NDE1: variants seen among roughly 807,000 people sequenced by gnomAD.
NDE1 encodes nudE neurodevelopment protein 1, also known as nuclear distribution protein nudE homolog 1.
A neutral mutation model predicts 43.4 loss-of-function variants in NDE1; 28 were observed. That is an observed-to-expected ratio of 0.65 (90% CI 0.48 to 0.89). The LOEUF (loss-of-function observed/expected upper bound fraction) is 0.89. Ranked by LOEUF, NDE1 falls within the 40% of genes least tolerant of loss-of-function variation. NDE1 has a pLI of 0.00. For missense variants in NDE1, 441 were observed against 434.1 expected (o/e 1.02, Z -0.14); for synonymous variants, 184 against 172.0 (o/e 1.07, Z -0.55).
At chr16:15,717,568 GT>G (rs2040228996) in intron 8 of NDE1, 2 of 599,972 alleles carry the variant, frequency 3.3e-6, no homozygotes, top group Non-Finnish European at 5.9e-6. Flanking sequence ...GCAGAGGCAG[GT>G]AAATCACTTG....
chr16:15,716,847 C>T (rs2040177043), intron 8 of NDE1, among the ~76,000 whole-genome samples: 1 of 152,156 alleles, frequency 6.6e-6, no homozygotes, highest in Non-Finnish European at 1.5e-5. Context: ...CATGCTATCC[C>T]TGCAGAGGCT....
At chr16:15,654,020 C>T (rs1244524375) in intron 1 of NDE1, among the ~76,000 whole-genome samples, 1 of 152,062 alleles carries the variant, frequency 6.6e-6, no homozygotes, top group Non-Finnish European at 1.5e-5. Flanking sequence ...CATGAGCCAC[C>T]ACACCCGGCC....
chr16:15,660,627 C>G (rs1367552934), intron 1 of NDE1, among the ~76,000 whole-genome samples: 1 of 152,112 alleles, frequency 6.6e-6, no homozygotes, highest in African/African-American at 2.4e-5. Context: ...CTCTTTTTCA[C>G]CTCCCAGTTA....
chr16:15,656,038 G>C (rs2036749692), intron 1 of NDE1, among the ~76,000 whole-genome samples: 1 of 150,444 alleles, frequency 6.6e-6, no homozygotes, highest in Non-Finnish European at 1.5e-5. Context: ...TAGATGACGA[G>C]TTAGTGGGTG....
chr16:15,689,807 G>A lies in NDE1; in HGVS notation c.524-1337G>A, dbSNP rs144868123. On this transcript the variant is annotated intron_variant, in intron 5 of 8. Transcript: ENST00000396354. ...ATACAAAAATTAGCCAGGTGTGGTGGTGCGTGCCTGTAATCCCAGCTACTT... is the reference window on the plus strand; with the variant it reads ...ATACAAAAATTAGCCAGGTGTGGTGATGCGTGCCTGTAATCCCAGCTACTT... Among the ~76,000 whole-genome samples the A allele has an allele frequency of 7.9e-3, 1,208 of 152,020 alleles. 19 individuals are homozygous for A. Among genetic ancestry groups the A allele is most frequent in the African/African-American group, 0.028 (1,172 of 41,500 alleles).
At position 15,643,489 on chromosome 16, in the gene NDE1, A is replaced by G. The variant is rs957216532; in HGVS notation, c.-604A>G. 4.7e-5 allele frequency: 19 copies of G among 403,166 alleles called. No homozygotes were observed. The Admixed American group carries it at 6.2e-4, about 13-fold the overall frequency. The allele number at this position is 403,166 out of a possible 1,614,324, so 25.0% of individuals were successfully genotyped here. A position where few individuals can be genotyped will look rare whatever the true frequency, so the allele number is the denominator to read the frequency against. Reference sequence around the variant, plus strand: ...CCGAGGAAAAAACCTGCCAACCAGGATTTAATAGAATTCAGCTCTTTCAGG... The same window carrying G: ...CCGAGGAAAAAACCTGCCAACCAGGGTTTAATAGAATTCAGCTCTTTCAGG... On this transcript the variant is annotated 5_prime_UTR_variant, in exon 1 of 10. Coordinates refer to the NDE1 transcript ENST00000396355.
intron 4 of NDE1, among the ~76,000 whole-genome samples, chr16:15,680,545 A>T (rs536818975): frequency 6.6e-6 from 1 of 151,862 alleles, no homozygotes; most frequent in African/African-American, 2.4e-5. Flanking sequence ...GCATATATAT[A>T]TTTTTTGAGA....
chr16:15,724,891 G>C lies in NDE1; in HGVS notation c.*640G>C. On this transcript the variant is annotated 3_prime_UTR_variant, in exon 9 of 9. Transcript: ENST00000396354. ...GATGATGTGGCAGGACACTCACCTG[G>C]GTGTCCTGGAGCTGGGAACTGAGGG... 1.2e-6 allele frequency: 2 copies of C among 1,614,000 alleles called. No individual in the cohort carries two copies. The highest frequency in any genetic ancestry group is 1.7e-6 in the Non-Finnish European group (2 of 1,179,956).
At chr16:15,685,440 AG>A (rs2038389959) in intron 4 of NDE1, among the ~76,000 whole-genome samples, 1 of 152,010 alleles carries the variant, frequency 6.6e-6, no homozygotes, top group Admixed American at 6.6e-5. Flanking sequence ...TTGTAGAGAC[AG>A]GGTCTCTCTA....
chr16:15,672,031 G>T (rs1351146202), intron 3 of NDE1, among the ~76,000 whole-genome samples: 2 of 151,996 alleles, frequency 1.3e-5, no homozygotes, highest in African/African-American at 4.8e-5. Context: ...TTGAAAAGCT[G>T]GGTAGGAGGA....
At chr16:15,706,008 A>T (rs1420192690) in intron 8 of NDE1, among the ~76,000 whole-genome samples, 4 of 150,900 alleles carry the variant, frequency 2.7e-5, no homozygotes, top group Non-Finnish European at 1.5e-5. Flanking sequence ...AAAAAAAATC[A>T]AGGCCCAGAG....
intron 4 of NDE1, among the ~76,000 whole-genome samples, chr16:15,685,006 T>TC (rs1187819473): frequency 2.6e-5 from 4 of 152,172 alleles, no homozygotes; most frequent in Admixed American, 2.0e-4. Flanking sequence ...TCCAGTTTAT[T>TC]CCCCCAGTAG....
intron 4 of NDE1, among the ~76,000 whole-genome samples, chr16:15,679,737 G>C: frequency 6.6e-6 from 1 of 152,004 alleles, no homozygotes; most frequent in East Asian, 1.9e-4. Flanking sequence ...CAGTGTGAGT[G>C]GTGTTTCCCA....
At chr16:15,713,606 C>G (rs570418024) in intron 8 of NDE1, 116 of 152,070 alleles carry the variant, frequency 7.6e-4, no homozygotes, top group Non-Finnish European at 1.2e-3. Flanking sequence ...ACTGATCGTC[C>G]CACCTCAGCC....
At chr16:15,660,775 G>C (rs1418450510) in intron 1 of NDE1, among the ~76,000 whole-genome samples, 6 of 152,022 alleles carry the variant, frequency 3.9e-5, no homozygotes, top group African/African-American at 9.7e-5. Context: ...TTGCATCCTT[G>C]TGACACTGGA....
rs569188932 is a variant in NDE1 at position 15,672,979 on chromosome 16, ATC to A, written c.238-4820_238-4819del. The stretch of plus-strand genomic sequence containing the variant: ...CCTCATCCTTCCAACGCTGTAAATC[ATC>A]TGTTTGTTCTTTCTTTGGAGTCTTC... On this transcript the variant is annotated intron_variant, in intron 3 of 8. Transcript: ENST00000396354. Among the ~76,000 whole-genome samples, 85 of 152,156 alleles carry A rather than the reference ATC, an allele frequency of 5.6e-4. No homozygotes were observed. The South Asian group carries it at 5.6e-3, about 10-fold the overall frequency.
intron 7 of NDE1, chr16:15,694,496 C>T: frequency 8.2e-7 from 1 of 1,218,102 alleles, no homozygotes; most frequent in Non-Finnish European, 1.1e-6. Context: ...CAGGTGTGCG[C>T]CACTATGCCT....
Position 15,705,984 on chromosome 16 carries a change from C to CAAA in NDE1, c.947+9143_947+9145dup, listed in dbSNP as rs57451847. Among the ~76,000 whole-genome samples the CAAA allele has an allele frequency of 2.6e-4, 15 of 56,760 alleles. 2 individuals are homozygous for CAAA. Among genetic ancestry groups the CAAA allele is most frequent in the Admixed American group, 4.5e-4 (2 of 4,436 alleles). The allele number at this position is 56,760 out of a possible 152,430, so 37.2% of individuals were successfully genotyped here. A position where few individuals can be genotyped will look rare whatever the true frequency, so the allele number is the denominator to read the frequency against. ...TAGGCGACAGGGTGAGACTCCGTCT[C>CAAA]AAAAAAAAAAAAAAAAAAAAATCAA... On this transcript the variant is annotated intron_variant, in intron 8 of 8. Coordinates refer to ENST00000396354, the MANE Select transcript of NDE1 (RefSeq NM_017668.3).
rs1394574392 is a variant in NDE1, at chr16:15,724,457, CCCCTGT to C, written c.*212_*217del. The C allele has an allele frequency of 6.2e-7, 1 of 1,611,072 alleles. No individual in the cohort carries two copies. On this transcript the variant is annotated 3_prime_UTR_variant, in exon 9 of 9. Coordinates refer to ENST00000396354, the MANE Select transcript of NDE1 (RefSeq NM_017668.3). Reference sequence around the variant, plus strand: ...AGGGTGAGAGGGGGACCATGAGTGGCCCCTGTCCCTGGCCCCACAGACTCTGAGAAG... The same window carrying C: ...AGGGTGAGAGGGGGACCATGAGTGGCCCCTGGCCCCACAGACTCTGAGAAG...
Sources: gnomAD v4.1 joint callset for allele counts (sites outside exome capture counted in the v4.1 genomes callset) on GRCh38, gnomAD v4.1.1 for gene constraint, MANE v1.5 for transcripts, NCBI Gene and HGNC (gene_info 2026-07-23, HGNC 2026-07-21) for gene names.